The following C2orf80 variants were observed in gnomAD, a reference collection of about 807,000 sequenced individuals.
The protein encoded by C2orf80 is uncharacterized protein C2orf80.
A neutral mutation model predicts 30.2 loss-of-function variants in C2orf80; 28 were observed. That is an observed-to-expected ratio of 0.93 (90% CI 0.69 to 1.27). The LOEUF is 1.27. Among genes scored for constraint, C2orf80 ranks in the 50% most tolerant of loss-of-function variants. The pLI is 0.00. For synonymous variants in C2orf80, 80 were observed against 76.4 expected, an observed-to-expected ratio of 1.05 and a Z score of -0.24; for missense variants, 220 against 231.0, an observed-to-expected ratio of 0.95 and a Z score of 0.31.
At position 208,180,835 on chromosome 2, in the gene C2orf80, A is replaced by C; in HGVS notation, c.295-19T>G. ...TACTGTTCTGTTAAACAACAACAGC[A>C]ATAACAAAGTATGATCATACCATGG... On this transcript the variant is annotated intron_variant, in intron 5 of 8. Coordinates refer to ENST00000341287, the MANE Select transcript of C2orf80 (RefSeq NM_001099334.3). The C allele has an allele frequency of 6.2e-7, 1 of 1,600,160 alleles. No homozygotes were observed.
intron 2 of C2orf80, 128 bp downstream of exon 2, chr2:208,186,817 TG>T: frequency 2.4e-6 from 2 of 826,856 alleles, no homozygotes; most frequent in Middle Eastern, 3.3e-4. Flanking sequence ...GATCATCCTC[TG>T]GTTTTCTCCT....
chr2:208,182,448 C>T (rs1315228018), intron 4 of C2orf80, among the ~76,000 whole-genome samples: 1 of 152,178 alleles, frequency 6.6e-6, no homozygotes, highest in Non-Finnish European at 1.5e-5. Flanking sequence ...CTCTGTTGCC[C>T]AGGCTGGAGT....
intron 4 of C2orf80, 89 bp from the exon 5 acceptor site, chr2:208,181,394 T>C (rs1696555029): frequency 1.3e-6 from 1 of 799,596 alleles, no homozygotes; most frequent in East Asian, 2.5e-5. Flanking sequence ...ATAAGTAATC[T>C]GCAATGGCTG....
chr2:208,174,555 C>T (rs1364547020), intron 6 of C2orf80, among the ~76,000 whole-genome samples: 1 of 152,194 alleles, frequency 6.6e-6, no homozygotes, highest in Non-Finnish European at 1.5e-5. Flanking sequence ...CGTGCAGTCT[C>T]ACTGAGTCCT....
At chr2:208,186,288 G>T (rs1350793344) in intron 2 of C2orf80, among the ~76,000 whole-genome samples, 3 of 152,170 alleles carry the variant, frequency 2.0e-5, no homozygotes, top group African/African-American at 7.2e-5. Flanking sequence ...ATTTGATGGG[G>T]ATGGTGATAA....
At chr2:208,184,587 T>C (rs1020005965) in intron 3 of C2orf80, among the ~76,000 whole-genome samples, 1 of 152,234 alleles carries the variant, frequency 6.6e-6, no homozygotes, top group African/African-American at 2.4e-5. Flanking sequence ...CTTAATTTAT[T>C]TGGTTTTCTC....
At position 208,165,631 on chromosome 2, in the gene C2orf80, C is replaced by T. The variant is rs1292642369; in HGVS notation, c.*176G>A. The T allele has an allele frequency of 4.6e-6, 3 of 656,158 alleles. No individual in the cohort carries two copies. The highest frequency in any genetic ancestry group is 3.6e-5 in the Admixed American group (1 of 27,750). The allele number at this position is 656,158 out of a possible 1,614,324, so 40.6% of individuals were successfully genotyped here. On this transcript the variant is annotated 3_prime_UTR_variant, in exon 9 of 9. Transcript: ENST00000341287. ...GTTTTTTTTTTTAAGAAAATGTAGC[C>T]ATGCAATATGCTTCTAAAAGAAGAA...
intron 6 of C2orf80, among the ~76,000 whole-genome samples, chr2:208,176,862 AC>A (rs1330961701): frequency 6.4e-5 from 3 of 47,186 alleles, no homozygotes; most frequent in African/African-American, 2.3e-4. Flanking sequence ...CTATATATAT[AC>A]TATATATACA....
At chr2:208,172,407 T>C (rs559842224) in intron 6 of C2orf80, among the ~76,000 whole-genome samples, 1 of 152,272 alleles carries the variant, frequency 6.6e-6, no homozygotes, top group African/African-American at 2.4e-5. Context: ...GTAGCTCAAA[T>C]ATGACCCCTT....
rs375036565 is a variant in C2orf80, at chr2:208,176,979, AGAAATG to A, written c.366+3760_366+3765del. Among the ~76,000 whole-genome samples the A allele has an allele frequency of 2.8e-3, 272 of 98,226 alleles. 2 individuals are homozygous for A. The highest frequency in any genetic ancestry group is 8.2e-3 in the Middle Eastern group (1 of 122). 64.4% of individuals were successfully genotyped at this position (98,226 alleles called of 152,430 possible). On this transcript the variant is annotated intron_variant, in intron 6 of 8. Transcript: ENST00000341287. ...TGTATACATATGTATACATATATAC[AGAAATG>A]TATATGTATACATATATACATATAT...
At chr2:208,180,515 C>T (rs867509953) in intron 6 of C2orf80, among the ~76,000 whole-genome samples, 32 of 152,012 alleles carry the variant, frequency 2.1e-4, no homozygotes, top group Middle Eastern at 6.8e-3. Flanking sequence ...CATTGCTGCC[C>T]CTTCTCAGCC....
intron 2 of C2orf80, among the ~76,000 whole-genome samples, chr2:208,186,316 C>T (rs973029555): frequency 6.6e-6 from 1 of 152,138 alleles, no homozygotes; most frequent in African/African-American, 2.4e-5. Flanking sequence ...GATGAAAAGG[C>T]TATTACTGTT....
At chr2:208,181,408 G>T in intron 4 of C2orf80, 103 bp from the exon 5 acceptor site, 1 of 669,800 alleles carries the variant, frequency 1.5e-6, no homozygotes, top group African/African-American at 1.8e-5. Context: ...ATGGCTGTGT[G>T]CTATCTGCTT....
intron 6 of C2orf80, among the ~76,000 whole-genome samples, chr2:208,177,207 T>A (rs1176058206): frequency 6.8e-6 from 1 of 147,632 alleles, no homozygotes; most frequent in Admixed American, 6.9e-5. Flanking sequence ...TATATTATAA[T>A]ATATATAATC....
rs531653901 is a variant in C2orf80 at position 208,175,321 on chromosome 2, T to C, written c.367-3246A>G. Among the ~76,000 whole-genome samples the C allele has an allele frequency of 2.0e-5, 3 of 152,090 alleles. No individual in the cohort carries two copies. The South Asian group carries it at 6.2e-4, about 32-fold the overall frequency. On this transcript the variant is annotated intron_variant, in intron 6 of 8. Coordinates refer to ENST00000341287, the MANE Select transcript of C2orf80 (RefSeq NM_001099334.3). ...AAAAAAAAATGAGTAAGACATTTTA[T>C]ATTTATCCGGGGCTAGTTGTCAATA...
At chr2:208,171,502 G>T (rs1256980590) in intron 7 of C2orf80, among the ~76,000 whole-genome samples, 1 of 152,102 alleles carries the variant, frequency 6.6e-6, no homozygotes, top group Non-Finnish European at 1.5e-5. Context: ...TGTATTTTTA[G>T]TAGAGATAGG....
chr2:208,189,881 C>T (rs1328495899), intron 1 of C2orf80, 72 bp downstream of exon 1: 22 of 699,314 alleles, frequency 3.1e-5, no homozygotes, highest in Non-Finnish European at 4.9e-5. Context: ...CACCTGCAAT[C>T]GTGGTACAGG....
At chr2:208,178,895 T>C (rs2105905827) in intron 6 of C2orf80, among the ~76,000 whole-genome samples, 1 of 152,186 alleles carries the variant, frequency 6.6e-6, no homozygotes, top group East Asian at 1.9e-4. Context: ...GTAGTTGGGA[T>C]TACAGGCGAC....
chr2:208,176,919 C>G (rs972766463), intron 6 of C2orf80, among the ~76,000 whole-genome samples: 12 of 81,650 alleles, frequency 1.5e-4, no homozygotes, highest in Non-Finnish European at 2.2e-4. Flanking sequence ...GTATACATAT[C>G]TGTATACATA....
Sources: gnomAD v4.1 joint callset for allele counts (sites outside exome capture counted in the v4.1 genomes callset) on GRCh38, gnomAD v4.1.1 for gene constraint, MANE v1.5 for transcripts, NCBI Gene and HGNC (gene_info 2026-07-23, HGNC 2026-07-21) for gene names.